The following DYNC1I1 variants were observed in gnomAD, a reference collection of about 807,000 sequenced individuals.
DYNC1I1 encodes cytoplasmic dynein 1 intermediate chain 1.
Under a neutral mutation model 86.6 loss-of-function variants are expected in DYNC1I1, and 43 were observed. The observed-to-expected ratio is 0.50, with a 90% CI of 0.39 to 0.64. The LOEUF (loss-of-function observed/expected upper bound fraction) is 0.64, where lower values mean the gene tolerates loss of function less well. Ranked by LOEUF, DYNC1I1 falls within the 30% of genes least tolerant of loss-of-function variation. The pLI, the probability that DYNC1I1 is intolerant of heterozygous loss-of-function variation, is 0.00. For synonymous variants in DYNC1I1, 262 were observed against 283.7 expected (o/e 0.92, Z 0.77); for missense variants, 604 against 788.8 (o/e 0.77, Z 2.81).
At chr7:95,922,929 C>T (rs1162490133) in intron 6 of DYNC1I1, among the ~76,000 whole-genome samples, 1 of 151,872 alleles carries the variant, frequency 6.6e-6, no homozygotes, top group Non-Finnish European at 1.5e-5. Flanking sequence ...CTCATTAGTT[C>T]TCATCAAACT....
chr7:95,884,255 G>A (rs1790533527), intron 6 of DYNC1I1, among the ~76,000 whole-genome samples: 1 of 152,208 alleles, frequency 6.6e-6, no homozygotes. Context: ...AAGGGAGTAA[G>A]CTCCAGGTAA....
At chr7:96,018,044 G>C (rs976348042) in intron 10 of DYNC1I1, among the ~76,000 whole-genome samples, 2 of 151,728 alleles carry the variant, frequency 1.3e-5, no homozygotes, top group Non-Finnish European at 2.9e-5. Flanking sequence ...GCAACTGATA[G>C]TCTGGGAGCT....
At position 96,028,317 on chromosome 7, in the gene DYNC1I1, A is replaced by G; in HGVS notation, c.1112A>G (p.His371Arg). 1 of 1,604,388 alleles carries G rather than the reference A, an allele frequency of 6.2e-7. No individual in the cohort carries two copies. Among genetic ancestry groups the G allele is most frequent in the Non-Finnish European group, 8.5e-7 (1 of 1,172,538 alleles). ...VQRTPLSAAA[H>R]THPVYCVNVV... ...CGGACACCCTTATCAGCTGCTGCAC[A>G]CACGGTAATGCAAACTTTTGCCATA... The change falls in exon 11 of 17, where the codon CAC becomes CGC. Residue 371 changes from histidine (H) to arginine (R), a missense_variant. By Grantham distance (29) the His-to-Arg change is conservative. Transcript: ENST00000447467.
At position 95,801,082 on chromosome 7, in the gene DYNC1I1, G is replaced by T. The variant is rs183973543; in HGVS notation, c.-9-3639G>T. On this transcript the variant is annotated intron_variant, in intron 1 of 16. Transcript: ENST00000447467. ...ACCCTTTATGAGGCATTCTCTTGAG[G>T]TTCCTTATTCTCCTAGAGGTTGATG... 4.8e-3 allele frequency among the ~76,000 whole-genome samples: 733 copies of T among 152,282 alleles called. 5 individuals are homozygous for T. The highest frequency in any genetic ancestry group is 0.017 in the African/African-American group (692 of 41,562).
intron 16 of DYNC1I1, among the ~76,000 whole-genome samples, chr7:96,085,505 G>T (rs948612994): frequency 1.3e-5 from 2 of 152,000 alleles, no homozygotes; most frequent in African/African-American, 4.8e-5. Flanking sequence ...ACACATTTTT[G>T]GTTGTTTGAT....
chr7:95,823,986 GTT>G (rs1347277393), intron 4 of DYNC1I1, among the ~76,000 whole-genome samples: 1 of 59,860 alleles, frequency 1.7e-5, no homozygotes, highest in Non-Finnish European at 2.9e-5. Flanking sequence ...ATATGTTTTG[GTT>G]TTTTGTTTTT....
intron 16 of DYNC1I1, among the ~76,000 whole-genome samples, chr7:96,091,222 C>T (rs1790834280): frequency 6.6e-6 from 1 of 152,070 alleles, no homozygotes; most frequent in East Asian, 1.9e-4. Flanking sequence ...ATGTACATTT[C>T]CACATTTTCT....
intron 5 of DYNC1I1, among the ~76,000 whole-genome samples, chr7:95,835,170 T>G (rs2115971723): frequency 1.1e-5 from 1 of 93,202 alleles, no homozygotes; most frequent in East Asian, 3.3e-4. Context: ...TGGTATGTTG[T>G]GTCTTTGTTC....
At chr7:96,030,293 G>C (rs1794776169) in intron 11 of DYNC1I1, among the ~76,000 whole-genome samples, 1 of 151,322 alleles carries the variant, frequency 6.6e-6, no homozygotes, top group Non-Finnish European at 1.5e-5. Flanking sequence ...CTGGAAAAAT[G>C]GGTATACTGT....
intron 14 of DYNC1I1, among the ~76,000 whole-genome samples, chr7:96,069,024 G>T (rs1286030396): frequency 6.6e-6 from 1 of 152,000 alleles, no homozygotes; most frequent in African/African-American, 2.4e-5. Context: ...ACTTTTCAAG[G>T]CTTCCAGGCC....
chr7:95,908,883 G>C (rs1791246193), intron 6 of DYNC1I1, among the ~76,000 whole-genome samples: 1 of 151,956 alleles, frequency 6.6e-6, no homozygotes, highest in African/African-American at 2.4e-5. Context: ...GGCCTGTAAA[G>C]AAACAAAAGA....
chr7:95,906,710 C>G (rs1791187145), intron 6 of DYNC1I1, among the ~76,000 whole-genome samples: 1 of 152,000 alleles, frequency 6.6e-6, no homozygotes, highest in African/African-American at 2.4e-5. Flanking sequence ...TTGAGGAAAT[C>G]AGGGTGGAGT....
downstream of DYNC1I1, among the ~76,000 whole-genome samples, chr7:96,099,962 A>C (rs1049430868): frequency 6.6e-6 from 1 of 152,154 alleles, no homozygotes; most frequent in East Asian, 1.9e-4. Context: ...TCATGTAGAC[A>C]TAAGAGAAAT....
At chr7:95,887,641 T>G (rs1790629090) in intron 6 of DYNC1I1, among the ~76,000 whole-genome samples, 1 of 152,174 alleles carries the variant, frequency 6.6e-6, no homozygotes, top group African/African-American at 2.4e-5. Flanking sequence ...TACTAAAGGC[T>G]CAATAAAAAA....
intron 9 of DYNC1I1, among the ~76,000 whole-genome samples, chr7:95,990,242 A>G (rs1173695055): frequency 6.6e-6 from 1 of 152,156 alleles, no homozygotes; most frequent in African/African-American, 2.4e-5. Context: ...TAATACTATC[A>G]CATACCACGT....
rs145670629 is a variant in DYNC1I1, at chr7:95,951,335, C to T, written c.491-26177C>T. The stretch of plus-strand genomic sequence containing the variant: ...CCTAAAAGGTCATGGGCAGCATTTA[C>T]GAAGCCTGGGATATGCTACAGGAGA... On this transcript the variant is annotated intron_variant, in intron 6 of 16. Coordinates refer to ENST00000447467, the MANE Select transcript of DYNC1I1 (RefSeq NM_001135556.2). Among the ~76,000 whole-genome samples, 489 of 152,182 alleles carry T rather than the reference C, an allele frequency of 3.2e-3. 4 individuals are homozygous for T. The highest frequency in any genetic ancestry group is 0.011 in the African/African-American group (447 of 41,530).
At chr7:96,026,325 C>T (rs993537527) in intron 10 of DYNC1I1, among the ~76,000 whole-genome samples, 7 of 152,052 alleles carry the variant, frequency 4.6e-5, no homozygotes, top group Admixed American at 4.6e-4. Context: ...AAGCCTTAGG[C>T]TGATAGGAGA....
chr7:95,968,243 G>C (rs915175166), intron 6 of DYNC1I1, among the ~76,000 whole-genome samples: 4 of 151,806 alleles, frequency 2.6e-5, no homozygotes, highest in Admixed American at 6.6e-5. Context: ...GCAAAAGAAG[G>C]GTATACAAAG....
intron 6 of DYNC1I1, among the ~76,000 whole-genome samples, chr7:95,883,864 A>G (rs980648170): frequency 6.6e-6 from 1 of 152,200 alleles, no homozygotes; most frequent in African/African-American, 2.4e-5. Context: ...AGAATTATAC[A>G]TAAAGACGAT....
Sources: allele counts gnomAD v4.1 joint callset (sites outside exome capture counted in the v4.1 genomes callset), GRCh38; gene constraint gnomAD v4.1.1; transcripts MANE v1.5; gene names NCBI Gene and HGNC (gene_info 2026-07-23, HGNC 2026-07-21).